Variants in KATNIP observed in about 807,000 individuals in gnomAD.
KATNIP encodes katanin-interacting protein.
Under a neutral mutation model 174.0 loss-of-function variants are expected in KATNIP, and 126 were observed. The observed-to-expected ratio is 0.72, with a 90% CI of 0.63 to 0.84. The LOEUF (loss-of-function observed/expected upper bound fraction) is 0.84. KATNIP is among the 40% of genes least tolerant of loss of function. The pLI, the probability that KATNIP is intolerant of heterozygous loss-of-function variation, is 0.00. For missense variants in KATNIP, 1,958 were observed against 2,109.7 expected, an observed-to-expected ratio of 0.93 and a Z score of 1.41; for synonymous variants, 810 against 835.7, an observed-to-expected ratio of 0.97 and a Z score of 0.53.
At chr16:27,626,655 A>G (rs1367908299) in intron 3 of KATNIP, among the ~76,000 whole-genome samples, 1 of 152,128 alleles carries the variant, frequency 6.6e-6, no homozygotes, top group African/African-American at 2.4e-5. Flanking sequence ...CTAAATGGAG[A>G]TAATAAAAGT....
At chr16:27,651,542 C>T (rs2077122640) in intron 6 of KATNIP, among the ~76,000 whole-genome samples, 1 of 152,202 alleles carries the variant, frequency 6.6e-6, no homozygotes, top group Admixed American at 6.5e-5. Context: ...TACTTTTCAT[C>T]TGACCTTCAC....
At chr16:27,695,678 C>G (rs571655581) in intron 8 of KATNIP, among the ~76,000 whole-genome samples, 1 of 152,310 alleles carries the variant, frequency 6.6e-6, no homozygotes, top group South Asian at 2.1e-4. Context: ...AAGAACAGAG[C>G]CTGGCACAGA....
intron 5 of KATNIP, among the ~76,000 whole-genome samples, chr16:27,635,443 A>G (rs1466339200): frequency 6.6e-6 from 1 of 152,116 alleles, no homozygotes; most frequent in East Asian, 1.9e-4. Context: ...TGCTCCACAC[A>G]CCCAGGCTTT....
intron 2 of KATNIP, among the ~76,000 whole-genome samples, chr16:27,596,706 A>G (rs766887647): frequency 7.2e-5 from 11 of 152,206 alleles, no homozygotes; most frequent in Admixed American, 1.3e-4. Flanking sequence ...TCTGGGCAAC[A>G]TAGCAAGACC....
chr16:27,627,856 C>T (rs775553502), intron 3 of KATNIP, among the ~76,000 whole-genome samples: 3 of 152,052 alleles, frequency 2.0e-5, no homozygotes, highest in Non-Finnish European at 4.4e-5. Flanking sequence ...GCGAGTCTGG[C>T]GTCCAATGGA....
chr16:27,647,455 C>T (rs1275910283), intron 5 of KATNIP, among the ~76,000 whole-genome samples: 1 of 152,098 alleles, frequency 6.6e-6, no homozygotes, highest in East Asian at 1.9e-4. Flanking sequence ...AATCCCCCCA[C>T]CTCAGCCTCC....
intron 14 of KATNIP, among the ~76,000 whole-genome samples, chr16:27,730,125 AG>A (rs1441951118): frequency 6.6e-6 from 1 of 152,234 alleles, no homozygotes. Flanking sequence ...AGAATGCTTC[AG>A]GGGAGCAGCC....
chr16:27,553,029 G>A (rs1596686424), intron 1 of KATNIP, among the ~76,000 whole-genome samples: 1 of 152,180 alleles, frequency 6.6e-6, no homozygotes, highest in East Asian at 1.9e-4. Context: ...GTCACAGTGT[G>A]TCATCTGAAG....
chr16:27,757,185 C>T (rs1341650767), intron 18 of KATNIP, among the ~76,000 whole-genome samples: 1 of 152,144 alleles, frequency 6.6e-6, no homozygotes, highest in Non-Finnish European at 1.5e-5. Context: ...CCTGGGCTCA[C>T]GAGATCCTCC....
chr16:27,551,594 A>C (rs1031830987), intron 1 of KATNIP, among the ~76,000 whole-genome samples: 1 of 152,218 alleles, frequency 6.6e-6, no homozygotes. Flanking sequence ...CTTTAAAAAT[A>C]ATAAAAATTG....
chr16:27,596,021 G>A (rs746837504), intron 2 of KATNIP, among the ~76,000 whole-genome samples: 3 of 151,078 alleles, frequency 2.0e-5, no homozygotes, highest in Admixed American at 6.6e-5. Flanking sequence ...GTAGGGCTTT[G>A]TGTCATTTGT....
intron 1 of KATNIP, among the ~76,000 whole-genome samples, chr16:27,558,458 A>G (rs2089718734): frequency 6.6e-6 from 1 of 152,076 alleles, no homozygotes; most frequent in South Asian, 2.1e-4. Flanking sequence ...TTTTGTTTTA[A>G]TCTGAAAAAA....
At chr16:27,726,823 C>T (rs1343927428) in intron 14 of KATNIP, among the ~76,000 whole-genome samples, 4 of 152,140 alleles carry the variant, frequency 2.6e-5, no homozygotes, top group Non-Finnish European at 4.4e-5. Flanking sequence ...AAAGGCCCTG[C>T]GGCAGGAGTT....
At chr16:27,720,361 G>A (rs2080169931) in intron 13 of KATNIP, among the ~76,000 whole-genome samples, 1 of 152,076 alleles carries the variant, frequency 6.6e-6, no homozygotes, top group Admixed American at 6.6e-5. Flanking sequence ...AAAGTGCTGG[G>A]ATTACAGACA....
At position 27,754,440 on chromosome 16, in the gene KATNIP, A is replaced by T. The variant is rs2081639809; in HGVS notation, c.3631+189A>T. On this transcript the variant is annotated intron_variant, in intron 18 of 27. Transcript: ENST00000261588. ...TCAGCTCCCTGGCCCTAGCAGGGCCACCTCACTCCAGAGGAGGGGCATCTC... is the reference window on the plus strand; with the variant it reads ...TCAGCTCCCTGGCCCTAGCAGGGCCTCCTCACTCCAGAGGAGGGGCATCTC... The T allele has an allele frequency of 2.4e-5, 14 of 586,452 alleles. No individual in the cohort carries two copies. The South Asian group carries it at 2.9e-4, about 12-fold the overall frequency. The allele number at this position is 586,452 out of a possible 1,614,324, so 36.3% of individuals were successfully genotyped here.
intron 2 of KATNIP, among the ~76,000 whole-genome samples, chr16:27,617,757 CTTT>C (rs1285087327): frequency 6.6e-6 from 1 of 151,874 alleles, no homozygotes; most frequent in Admixed American, 6.6e-5. Context: ...CCTTTTTGTT[CTTT>C]GAGACACTCT....
chr16:27,587,831 G>T (rs1358288247), intron 2 of KATNIP, among the ~76,000 whole-genome samples: 1 of 151,664 alleles, frequency 6.6e-6, no homozygotes, highest in Non-Finnish European at 1.5e-5. Flanking sequence ...AAAATCCTAA[G>T]ATGATCCATT....
chr16:27,720,224 G>A (rs2080161353), intron 13 of KATNIP, among the ~76,000 whole-genome samples: 1 of 152,074 alleles, frequency 6.6e-6, no homozygotes, highest in South Asian at 2.1e-4. Flanking sequence ...CTGAGTAGCT[G>A]GGATTACAGG....
chr16:27,553,588 G>A (rs965327228), intron 1 of KATNIP, among the ~76,000 whole-genome samples: 1 of 152,204 alleles, frequency 6.6e-6, no homozygotes, highest in African/African-American at 2.4e-5. Context: ...GCCAAGACAA[G>A]AGGATCTCTT....
Sources: gnomAD v4.1 joint callset for allele counts (sites outside exome capture counted in the v4.1 genomes callset) on GRCh38, gnomAD v4.1.1 for gene constraint, MANE v1.5 for transcripts, NCBI Gene and HGNC (gene_info 2026-07-23, HGNC 2026-07-21) for gene names.